Variants in CHMP5 observed in about 807,000 individuals in gnomAD.
CHMP5 encodes charged multivesicular body protein 5, also known as SNF7 domain containing 2.
A neutral mutation model predicts 33.0 loss-of-function variants in CHMP5; 17 were observed. The ratio of observed to expected loss-of-function variants is 0.52; its 90% CI spans 0.35 to 0.77. The LOEUF (loss-of-function observed/expected upper bound fraction) is 0.77, where lower values mean the gene tolerates loss of function less well. Ranked by LOEUF, CHMP5 falls within the 30% of genes least tolerant of loss-of-function variation. The probability of loss-of-function intolerance (pLI) is 0.01; values close to 1 mark genes in which losing one functional copy is unlikely to be tolerated. For missense variants in CHMP5, 216 were observed against 261.5 expected (o/e 0.83, Z 1.20); for synonymous variants, 76 against 90.2 (o/e 0.84, Z 0.89).
intron 3 of CHMP5, 68 bp from the exon 4 acceptor site, chr9:33,270,555 G>C (rs1228398980): frequency 8.4e-7 from 1 of 1,195,682 alleles, no homozygotes; most frequent in Non-Finnish European, 1.2e-6. Context: ...ATTTAGTGTG[G>C]GGATACTTTG....
chr9:33,279,015 C>G (rs1264521866), intron 7 of CHMP5, among the ~76,000 whole-genome samples: 1 of 152,140 alleles, frequency 6.6e-6, no homozygotes, highest in African/African-American at 2.4e-5. Flanking sequence ...CCTCCGCCCC[C>G]CTGGTTCAAG....
intron 6 of CHMP5, 85 bp from the exon 7 acceptor site, chr9:33,278,028 C>A: frequency 1.2e-6 from 1 of 835,632 alleles, no homozygotes. Flanking sequence ...TGCCTTCTTT[C>A]AAGTCCATCG....
chr9:33,267,703 T>G (rs960134555), intron 2 of CHMP5, 150 bp from the exon 3 acceptor site: 1 of 604,492 alleles, frequency 1.7e-6, no homozygotes, highest in Non-Finnish European at 3.0e-6. Flanking sequence ...TACCTGTTTT[T>G]GGGAGGGGAA....
intron 6 of CHMP5, among the ~76,000 whole-genome samples, chr9:33,276,966 A>C (rs1820862472): frequency 6.6e-6 from 1 of 152,136 alleles, no homozygotes; most frequent in African/African-American, 2.4e-5. Flanking sequence ...AGGCCAAGGT[A>C]GGCGGATCCA....
At chr9:33,278,059 G>T in intron 6 of CHMP5, 54 bp from the exon 7 acceptor site, 1 of 1,135,002 alleles carries the variant, frequency 8.8e-7, no homozygotes, top group Non-Finnish European at 1.3e-6. Context: ...GAAATTATTA[G>T]CTGCCAGTTT....
chr9:33,270,518 TC>T (rs1820781200), intron 3 of CHMP5, 104 bp from the exon 4 acceptor site: 2 of 944,062 alleles, frequency 2.1e-6, no homozygotes, highest in Non-Finnish European at 3.2e-6. Context: ...AGTTTTTTGT[TC>T]CGTTGTTTTT....
At chr9:33,271,265 C>G (rs1360921518) in intron 5 of CHMP5, 42 bp downstream of exon 5, 2 of 1,485,256 alleles carry the variant, frequency 1.3e-6, no homozygotes, top group Admixed American at 3.4e-5. Flanking sequence ...GCACTAGTTT[C>G]TGAGAGAATC....
chr9:33,276,424 G>T, intron 5 of CHMP5, 32 bp from the exon 6 acceptor site: 1 of 1,241,504 alleles, frequency 8.1e-7, no homozygotes. Context: ...AATGGTAAAT[G>T]AGAGAAAATC....
At chr9:33,275,038 C>T (rs1415091282) in intron 5 of CHMP5, among the ~76,000 whole-genome samples, 1 of 152,204 alleles carries the variant, frequency 6.6e-6, no homozygotes, top group Non-Finnish European at 1.5e-5. Context: ...TCACTCCTAA[C>T]CATTATACCA....
chr9:33,265,399 C>T lies in CHMP5; in HGVS notation c.69+252C>T, dbSNP rs575188992. ...CCAACCCGTTTTGATGCCCATTGCC[C>T]GTCCACTCGCTCTCGCCTTGATCCT... On this transcript the variant is annotated intron_variant, in intron 1 of 7. Coordinates refer to ENST00000223500, the MANE Select transcript of CHMP5 (RefSeq NM_016410.6). Among the ~76,000 whole-genome samples, 6 of 152,156 alleles carry T rather than the reference C, an allele frequency of 3.9e-5. No homozygotes were observed. The South Asian group carries it at 1.0e-3, about 26-fold the overall frequency.
chr9:33,266,394 C>T (rs770924783), intron 2 of CHMP5, among the ~76,000 whole-genome samples: 3 of 152,198 alleles, frequency 2.0e-5, no homozygotes, highest in Non-Finnish European at 2.9e-5. Flanking sequence ...ATCGCTTGAA[C>T]CTGGGAGGCG....
At chr9:33,272,596 A>T in intron 5 of CHMP5, among the ~76,000 whole-genome samples, 1 of 151,974 alleles carries the variant, frequency 6.6e-6, no homozygotes, top group Non-Finnish European at 1.5e-5. Context: ...TGAGGTCAGG[A>T]GATCAAGACC....
chr9:33,265,990 A>C lies in CHMP5; in HGVS notation c.70-20A>C, dbSNP rs1820714992. The stretch of plus-strand genomic sequence containing the variant: ...AGTGTATTGCAGTAACTACCAGTGC[A>C]TTTGATATTTTCCCCTAAGGTGGAC... On this transcript the variant is annotated intron_variant, in intron 1 of 7. Coordinates refer to ENST00000223500, the MANE Select transcript of CHMP5 (RefSeq NM_016410.6). 6.6e-7 allele frequency: 1 copy of C among 1,521,696 alleles called. No individual in the cohort carries two copies. Among genetic ancestry groups the C allele is most frequent in the African/African-American group, 1.4e-5 (1 of 73,092 alleles). 94.3% of individuals were successfully genotyped at this position (1,521,696 alleles called of 1,614,324 possible). A position where few individuals can be genotyped will look rare whatever the true frequency, so the allele number is the denominator to read the frequency against.
At chr9:33,280,473 A>G (rs531322636) in intron 7 of CHMP5, among the ~76,000 whole-genome samples, 1 of 152,274 alleles carries the variant, frequency 6.6e-6, no homozygotes, top group South Asian at 2.1e-4. Flanking sequence ...TGAAAATGCA[A>G]ATCTGGAGGC....
At chr9:33,276,657 A>G (rs1820858631) in intron 6 of CHMP5, 93 bp downstream of exon 6, 15 of 707,758 alleles carry the variant, frequency 2.1e-5, no homozygotes, top group South Asian at 1.6e-4. Flanking sequence ...GAAAATTTCT[A>G]TCAGGATTTC....
chr9:33,266,230 TG>T (rs1820721269), intron 2 of CHMP5, 116 bp downstream of exon 2: 1 of 583,644 alleles, frequency 1.7e-6, no homozygotes. Context: ...CCCAGCACTT[TG>T]GGAGGCTGAG....
intron 3 of CHMP5, 107 bp from the exon 4 acceptor site, chr9:33,270,516 G>T: frequency 1.1e-6 from 1 of 923,718 alleles, no homozygotes. Context: ...TAAGTTTTTT[G>T]TTCCGTTGTT....
At position 33,281,563 on chromosome 9, in the gene CHMP5, A is replaced by C. The variant is rs971829704; in HGVS notation, c.*704A>C. ...GCTTAAAACCTCTACTGCGGAAACC[A>C]AATTTAATAGAATTTTAATGTCATT... On this transcript the variant is annotated 3_prime_UTR_variant, in exon 8 of 8. Coordinates refer to ENST00000223500, the MANE Select transcript of CHMP5 (RefSeq NM_016410.6). 2.6e-5 allele frequency: 4 copies of C among 152,580 alleles called. No individual in the cohort carries two copies. The highest frequency in any genetic ancestry group is 5.9e-5 in the Non-Finnish European group (4 of 68,044). The allele number at this position is 152,580 out of a possible 1,614,324, so 9.5% of individuals were successfully genotyped here.
chr9:33,278,912 G>A (rs1049752137), intron 7 of CHMP5, among the ~76,000 whole-genome samples: 21 of 152,030 alleles, frequency 1.4e-4, no homozygotes, highest in Non-Finnish European at 5.9e-5. Flanking sequence ...TTAAAGCTCT[G>A]TCCAAATCTA....
Sources: gnomAD v4.1 joint callset for allele counts (sites outside exome capture counted in the v4.1 genomes callset) on GRCh38, gnomAD v4.1.1 for gene constraint, MANE v1.5 for transcripts, NCBI Gene and HGNC (gene_info 2026-07-23, HGNC 2026-07-21) for gene names.